PTPN14: variants seen among roughly 807,000 people sequenced by gnomAD.
The protein encoded by PTPN14 is tyrosine-protein phosphatase non-receptor type 14.
A neutral mutation model predicts 126.8 loss-of-function variants in PTPN14; 53 were observed. That is an observed-to-expected ratio of 0.42 (90% confidence interval 0.34 to 0.53). The LOEUF is 0.53. PTPN14 is among the 20% of genes least tolerant of loss of function. PTPN14 has a pLI of 0.08. For missense variants in PTPN14, 1,257 were observed against 1,552.9 expected (o/e 0.81, Z 3.20); for synonymous variants, 630 against 599.3 (o/e 1.05, Z -0.75).
intron 16 of PTPN14, 72 bp downstream of exon 16, chr1:214,372,639 C>T (rs1658244718): frequency 1.2e-6 from 2 of 1,606,244 alleles, no homozygotes; most frequent in African/African-American, 1.3e-5. Context: ...GCAAAGTTGA[C>T]AGCACAAAGC....
chr1:214,514,346 G>T (rs1168112968), intron 1 of PTPN14, among the ~76,000 whole-genome samples: 10 of 152,238 alleles, frequency 6.6e-5, no homozygotes, highest in Non-Finnish European at 1.5e-5. Flanking sequence ...CGCATGTATG[G>T]GTCCTACTGA....
intron 8 of PTPN14, among the ~76,000 whole-genome samples, chr1:214,395,958 T>TACCG (rs1487320423): frequency 1.3e-5 from 2 of 152,068 alleles, no homozygotes; most frequent in African/African-American, 4.8e-5. Flanking sequence ...TGCAGTCCCC[T>TACCG]ACCGGTCACC....
At chr1:214,398,091 T>C (rs1658928623) in intron 7 of PTPN14, 90 bp from the exon 8 acceptor site, 1 of 1,026,690 alleles carries the variant, frequency 9.7e-7, no homozygotes, top group African/African-American at 1.6e-5. Flanking sequence ...GACCTGAGTG[T>C]CCATCCACAG....
At chr1:214,523,110 C>G (rs1240615866) in intron 1 of PTPN14, among the ~76,000 whole-genome samples, 2 of 152,108 alleles carry the variant, frequency 1.3e-5, no homozygotes, top group Non-Finnish European at 2.9e-5. Context: ...TTGGACAATC[C>G]TTACATTGTC....
intron 1 of PTPN14, 119 bp from the exon 2 acceptor site, chr1:214,465,076 G>A: frequency 2.6e-6 from 1 of 378,162 alleles, no homozygotes; most frequent in South Asian, 4.0e-5. Flanking sequence ...TCAACACTCA[G>A]GTTTGATAAG....
intron 1 of PTPN14, chr1:214,530,982 C>T (rs541515342): frequency 6.6e-6 from 1 of 152,212 alleles, no homozygotes; most frequent in South Asian, 2.1e-4. Context: ...CAAATATTTA[C>T]CTCCTAAAAA....
intron 5 of PTPN14, among the ~76,000 whole-genome samples, chr1:214,407,676 A>T (rs6684673): frequency 0.024 from 3,612 of 152,152 alleles, 152 homozygotes; most frequent in African/African-American, 0.082. Flanking sequence ...GTCACCAGAC[A>T]CTCTACTTTC....
intron 6 of PTPN14, 26 bp from the exon 7 acceptor site, chr1:214,401,798 A>C (rs376694339): frequency 3.3e-6 from 5 of 1,525,718 alleles, no homozygotes; most frequent in Non-Finnish European, 4.5e-6. Flanking sequence ...CATCAAAGGA[A>C]GAAATGGTTA....
At chr1:214,533,643 A>G (rs935597898) in intron 1 of PTPN14, among the ~76,000 whole-genome samples, 4 of 152,104 alleles carry the variant, frequency 2.6e-5, no homozygotes, top group African/African-American at 4.8e-5. Context: ...CATCCTGGCT[A>G]ACACGGTGAA....
chr1:214,547,049 A>C (rs1455204532), intron 1 of PTPN14, among the ~76,000 whole-genome samples: 2 of 152,208 alleles, frequency 1.3e-5, no homozygotes, highest in Non-Finnish European at 2.9e-5. Flanking sequence ...ACAAAAAGGC[A>C]CTTAGTCACT....
At chr1:214,547,172 T>G (rs1655993671) in intron 1 of PTPN14, among the ~76,000 whole-genome samples, 1 of 152,162 alleles carries the variant, frequency 6.6e-6, no homozygotes, top group African/African-American at 2.4e-5. Context: ...TCAGCATGCA[T>G]GCAATATATG....
At chr1:214,370,594 G>A (rs1314299355) in intron 16 of PTPN14, among the ~76,000 whole-genome samples, 1 of 152,118 alleles carries the variant, frequency 6.6e-6, no homozygotes, top group Admixed American at 6.5e-5. Context: ...TGACCAATGC[G>A]TTTTAGTTCA....
At chr1:214,474,121 T>C (rs1388693491) in intron 1 of PTPN14, among the ~76,000 whole-genome samples, 1 of 152,220 alleles carries the variant, frequency 6.6e-6, no homozygotes, top group Admixed American at 6.5e-5. Context: ...CTTTCAAGCC[T>C]TTCTAAAGCT....
chr1:214,454,330 G>A (rs1415510204), intron 2 of PTPN14, among the ~76,000 whole-genome samples: 1 of 151,988 alleles, frequency 6.6e-6, no homozygotes. Context: ...AAATTATAGA[G>A]GGCCACAGTA....
Position 214,419,834 on chromosome 1 carries a change from G to A in PTPN14, c.345-5108C>T, listed in dbSNP as rs534487289. On this transcript the variant is annotated intron_variant, in intron 3 of 18. Transcript: ENST00000366956. ...TCCATTCCAGCGGGTGTTCACAGCT[G>A]TAAATCCAGATAAAGGACAGGGTGG... 1.1e-4 allele frequency among the ~76,000 whole-genome samples: 17 copies of A among 152,248 alleles called. No homozygotes were observed. The East Asian group carries it at 2.9e-3, about 26-fold the overall frequency.
rs148160825 is a variant in PTPN14, at chr1:214,383,494, C to G, written c.2361G>C (p.Lys787Asn). 2 of 1,614,104 alleles carry G rather than the reference C, an allele frequency of 1.2e-6. No individual in the cohort carries two copies. Among genetic ancestry groups the G allele is most frequent in the African/African-American group, 2.7e-5 (2 of 74,954 alleles). The change falls in exon 13 of 19, where the codon AAG becomes AAC. Residue 787 changes from lysine (K) to asparagine (N), a missense_variant. This residue lies in a region of PTPN14 where 1,021 missense variants were observed against 1,183.3 expected (regional missense o/e 0.86). Coordinates refer to ENST00000366956, the MANE Select transcript of PTPN14 (RefSeq NM_005401.5). This position sits in a 1 kb window ranked among gnomAD's most constrained non-coding sequence, Gnocchi z 4.4. ...RARVLRHGPA[K>N]AISMSRTDPP... ...GGTCAGTCCGAGACATGCTGATGGC[C>G]TTGGCTGGCCCATGCCTCAGCACCC... is the stretch of plus-strand genomic sequence containing the variant.
rs59392385 is a variant in PTPN14 at position 214,501,108 on chromosome 1, C to T, written c.-154-36151G>A. Among the ~76,000 whole-genome samples, 16 of 152,222 alleles carry T rather than the reference C, an allele frequency of 1.1e-4. No homozygotes were observed. In the South Asian group the frequency reaches 2.5e-3, roughly 24 times the overall value. ...GTTCAAGGAATAATGTGATAAATAGCGCAATTCGTCTCATGGAGCTGGGTA... is the reference window on the plus strand; with the variant it reads ...GTTCAAGGAATAATGTGATAAATAGTGCAATTCGTCTCATGGAGCTGGGTA... On this transcript the variant is annotated intron_variant, in intron 1 of 18. Coordinates refer to ENST00000366956, the MANE Select transcript of PTPN14 (RefSeq NM_005401.5).
chr1:214,427,896 T>G (rs1488351518), intron 3 of PTPN14, among the ~76,000 whole-genome samples: 7 of 152,168 alleles, frequency 4.6e-5, no homozygotes, highest in Non-Finnish European at 1.0e-4. Flanking sequence ...TGTCGTGCAT[T>G]CATGAATGTT....
At chr1:214,543,184 T>C (rs956189280) in intron 1 of PTPN14, among the ~76,000 whole-genome samples, 1 of 152,204 alleles carries the variant, frequency 6.6e-6, no homozygotes, top group Non-Finnish European at 1.5e-5. Context: ...CAATAATGCA[T>C]AGGACGGAAA....
Sources: gnomAD v4.1 joint callset for allele counts (sites outside exome capture counted in the v4.1 genomes callset) on GRCh38, gnomAD v4.1.1 for gene constraint, gnomAD v4.1.1 regional missense constraint, Gnocchi (gnomAD v3.1) non-coding constraint, MANE v1.5 for transcripts, NCBI Gene and HGNC (gene_info 2026-07-23, HGNC 2026-07-21) for gene names.